MTMR3: variants seen among roughly 807,000 people sequenced by gnomAD.
MTMR3 encodes phosphatidylinositol-3,5-bisphosphate 3-phosphatase MTMR3.
MTMR3 carries 32 observed loss-of-function variants against 132.4 expected under a neutral mutation model. The ratio of observed to expected loss-of-function variants is 0.24; its 90% CI spans 0.18 to 0.32. The LOEUF is 0.32. Ranked by LOEUF, MTMR3 falls within the 10% of genes least tolerant of loss-of-function variation. MTMR3 has a pLI of 1.00. For synonymous variants in MTMR3, 556 were observed against 550.3 expected, an observed-to-expected ratio of 1.01 and a Z score of -0.14; for missense variants, 1,216 against 1,489.6, an observed-to-expected ratio of 0.82 and a Z score of 3.02.
chr22:29,894,369 C>T (rs2064853573), intron 1 of MTMR3, among the ~76,000 whole-genome samples: 2 of 152,014 alleles, frequency 1.3e-5, no homozygotes, highest in African/African-American at 4.8e-5. Context: ...ACAATTAAAC[C>T]CAAGAGGACT....
intron 7 of MTMR3, 121 bp downstream of exon 7, chr22:29,991,791 C>CA: frequency 9.3e-7 from 1 of 1,074,024 alleles, no homozygotes; most frequent in Non-Finnish European, 1.3e-6. Context: ...TTTTAAGGAG[C>CA]ACCCAGCAAG....
At chr22:29,982,740 C>T (rs2066773793) in intron 5 of MTMR3, 1 of 152,174 alleles carries the variant, frequency 6.6e-6, no homozygotes, top group African/African-American at 2.4e-5. Context: ...TTAATTCACA[C>T]ATTCACTGAA....
At chr22:29,900,534 G>GT (rs2064985018) in intron 1 of MTMR3, among the ~76,000 whole-genome samples, 2 of 152,008 alleles carry the variant, frequency 1.3e-5, no homozygotes, top group Non-Finnish European at 2.9e-5. Flanking sequence ...TAGTATTGAG[G>GT]CTTAGTTAAC....
chr22:29,914,522 A>C (rs2065273550), intron 1 of MTMR3, among the ~76,000 whole-genome samples: 1 of 152,130 alleles, frequency 6.6e-6, no homozygotes, highest in South Asian at 2.1e-4. Context: ...ATGTTTTGCA[A>C]ATATGTTCTT....
At chr22:29,923,235 T>A (rs1197664265) in intron 1 of MTMR3, among the ~76,000 whole-genome samples, 1 of 151,314 alleles carries the variant, frequency 6.6e-6, no homozygotes, top group Non-Finnish European at 1.5e-5. Context: ...TTTTTATTTT[T>A]ATTTTTTATT....
chr22:30,012,287 T>C, intron 12 of MTMR3, 81 bp from the exon 13 acceptor site: 2 of 1,465,166 alleles, frequency 1.4e-6, no homozygotes, highest in Non-Finnish European at 1.9e-6. Context: ...TGGAAATTGC[T>C]TTTTCATTTG....
rs1317222884 is a variant in MTMR3, at chr22:30,026,776, A to T, written c.*975A>T. On this transcript the variant is annotated 3_prime_UTR_variant, in exon 20 of 20. Transcript: ENST00000401950. ...CCAGAAATCCCCCGTTCCCAAACCA[A>T]ACCAATCATGGATCTTCCCTTTAAG... 2.6e-5 allele frequency: 4 copies of T among 152,866 alleles called. No individual in the cohort carries two copies. Among genetic ancestry groups the T allele is most frequent in the Non-Finnish European group, 5.9e-5 (4 of 68,116 alleles). The allele number at this position is 152,866 out of a possible 1,614,324, so 9.5% of individuals were successfully genotyped here.
chr22:30,025,910 A>G lies in MTMR3; in HGVS notation c.*109A>G, dbSNP rs2067902973. On this transcript the variant is annotated 3_prime_UTR_variant, in exon 20 of 20. Transcript: ENST00000401950. ...CACTTTGGAATGGGAGCGTGGAACC[A>G]CCTGTACAGAGTGACAGATTTGGGA... 8.7e-7 allele frequency: 1 copy of G among 1,149,880 alleles called. No individual in the cohort carries two copies. The highest frequency in any genetic ancestry group is 1.3e-6 in the Non-Finnish European group (1 of 787,814). The allele number at this position is 1,149,880 out of a possible 1,614,324, so 71.2% of individuals were successfully genotyped here.
chr22:30,011,779 G>C (rs1025467145), intron 12 of MTMR3: 1 of 152,474 alleles, frequency 6.6e-6, no homozygotes, highest in Non-Finnish European at 1.5e-5. Context: ...TAAATTATCA[G>C]ATTGGGCTCA....
chr22:29,914,020 G>GATT lies in MTMR3; in HGVS notation c.-138+30663_-138+30665dup, dbSNP rs568172091. Among the ~76,000 whole-genome samples, 678 of 152,228 alleles carry GATT rather than the reference G, an allele frequency of 4.5e-3. 6 individuals are homozygous for GATT. The highest frequency in any genetic ancestry group is 0.015 in the African/African-American group (640 of 41,536). The stretch of plus-strand genomic sequence containing the variant: ...CCACCTCAACCTCCCAAAGTGCTGG[G>GATT]ATTACAGGCATGAGCCACCACGCCC... On this transcript the variant is annotated intron_variant, in intron 1 of 19. Transcript: ENST00000401950.
At position 29,958,099 on chromosome 22, in the gene MTMR3, G is replaced by A. The variant is rs191924841; in HGVS notation, c.-85+1011G>A. Among the ~76,000 whole-genome samples, 157 of 135,588 alleles carry A rather than the reference G, an allele frequency of 1.2e-3. 2 individuals carry two copies. Among genetic ancestry groups the A allele is most frequent in the African/African-American group, 3.7e-3 (151 of 40,542 alleles). The allele number at this position is 135,588 out of a possible 152,430, so 89.0% of individuals were successfully genotyped here. A position where few individuals can be genotyped will look rare whatever the true frequency, so the allele number is the denominator to read the frequency against. On this transcript the variant is annotated intron_variant, in intron 2 of 19. Transcript: ENST00000401950. Reference sequence around the variant, plus strand: ...GGATAAGGCAGGGGATTACTGTAGTGCAAATATGAATTTTAATGAGAAAAA... The same window carrying A: ...GGATAAGGCAGGGGATTACTGTAGTACAAATATGAATTTTAATGAGAAAAA...
In MTMR3 at chr22:29,998,649, T is replaced by G. The variant is rs1022279331; in HGVS notation, c.461-112T>G. On this transcript the variant is annotated intron_variant, in intron 7 of 19. Coordinates refer to ENST00000401950, the MANE Select transcript of MTMR3 (RefSeq NM_021090.4). ...CAGAGTGGAATCCTGTCTCAAAAAA[T>G]ATATATATATTTACATATATGTAAC... 1.4e-5 allele frequency: 7 copies of G among 509,260 alleles called. No homozygotes were observed. The East Asian group carries it at 2.8e-4, about 20-fold the overall frequency. 31.5% of individuals were successfully genotyped at this position (509,260 alleles called of 1,614,324 possible).
In MTMR3 at chr22:30,028,530, A is replaced by C. The variant is rs1470846795; in HGVS notation, c.*2729A>C. 2 of 152,332 alleles carry C rather than the reference A, an allele frequency of 1.3e-5. No individual in the cohort carries two copies. The highest frequency in any genetic ancestry group is 3.8e-4 in the East Asian group (2 of 5,324). 9.4% of individuals were successfully genotyped at this position (152,332 alleles called of 1,614,324 possible). A position where few individuals can be genotyped will look rare whatever the true frequency, so the allele number is the denominator to read the frequency against. On this transcript the variant is annotated 3_prime_UTR_variant, in exon 20 of 20. Coordinates refer to ENST00000401950, the MANE Select transcript of MTMR3 (RefSeq NM_021090.4). ...TACAGCACTGTTGGGCATCCCTCCC[A>C]TCACATGGGTCTGTGGGTGAGATAT...
rs758932706 is a variant in MTMR3 at position 30,020,002 on chromosome 22, C to A, written c.2343C>A (p.Val781=). 18 of 1,613,818 alleles carry A rather than the reference C, an allele frequency of 1.1e-5. No individual in the cohort carries two copies. Among genetic ancestry groups the A allele is most frequent in the East Asian group, 4.5e-5 (2 of 44,888 alleles). Residue 781 remains valine (V), a synonymous_variant, in exon 17 of 20, where the codon GTC becomes GTA. Transcript: ENST00000401950. ...GTGTTCTCCTCAGTTCTCTCCAGGTCCCCCCCAGGGGAGAGGATTCCCTGG... is the reference window on the plus strand; with the variant it reads ...GTGTTCTCCTCAGTTCTCTCCAGGTACCCCCCAGGGGAGAGGATTCCCTGG... ...GLSVLLSSLQ[V]PPRGEDSLEV... is the part of the protein sequence containing the mutation.
chr22:29,888,226 G>A (rs1399134330), intron 1 of MTMR3, among the ~76,000 whole-genome samples: 1 of 151,972 alleles, frequency 6.6e-6, no homozygotes, highest in Non-Finnish European at 1.5e-5. Context: ...TTCATTTTTT[G>A]TAGAGACAGG....
intron 1 of MTMR3, among the ~76,000 whole-genome samples, chr22:29,929,088 T>TG: frequency 6.6e-6 from 1 of 152,032 alleles, no homozygotes. Flanking sequence ...AAGACCAGTC[T>TG]GGGCAACATG....
intron 1 of MTMR3, among the ~76,000 whole-genome samples, chr22:29,904,185 C>A (rs915681685): frequency 2.0e-5 from 3 of 152,194 alleles, no homozygotes; most frequent in Non-Finnish European, 4.4e-5. Context: ...GAGGTAGCAA[C>A]TGTGGGATTA....
rs1334175828 is a variant in MTMR3 at position 30,019,640 on chromosome 22, C to G, written c.1981C>G (p.Leu661Val). 1 of 1,614,218 alleles carries G rather than the reference C, an allele frequency of 6.2e-7. No homozygotes were observed. The highest frequency in any genetic ancestry group is 1.7e-5 in the Admixed American group (1 of 60,030). ...CCTGGCTGGCCCTGGAGAGGATCCC[C>G]TTTCTGCCGACAGCCTAGGGAAGCC... ...SSLAGPGEDPLSADSLGKPTR... is the reference protein window; with the variant it reads ...SSLAGPGEDPVSADSLGKPTR... The change falls in exon 17 of 20, where the codon CTT (leucine) becomes GTT (valine). Residue 661 changes from leucine (L) to valine (V), a missense_variant. Leu to Val is a conservative substitution (Grantham distance 32). Around this residue, in one of 7 missense-constraint regions of MTMR3, gnomAD observed 852 missense variants for 852.0 expected, o/e 1.00. Coordinates refer to ENST00000401950, the MANE Select transcript of MTMR3 (RefSeq NM_021090.4).
At position 30,012,526 on chromosome 22, in the gene MTMR3, C is replaced by T. The variant is rs1201101890; in HGVS notation, c.1280C>T (p.Ala427Val). The T allele has an allele frequency of 6.2e-7, 1 of 1,613,684 alleles. No homozygotes were observed. The highest frequency in any genetic ancestry group is 8.5e-7 in the Non-Finnish European group (1 of 1,179,944). The change falls in exon 13 of 20, where the codon GCT becomes GTT. Residue 427 changes from alanine (A) to valine (V), a missense_variant. By Grantham distance (64) the Ala-to-Val change is moderately conservative. This residue lies in a region of MTMR3 where 106 missense variants were observed against 209.5 expected (regional missense o/e 0.51). Transcript: ENST00000401950. ...WDRTPQIVALAKLLLDPYYRT... is the reference protein window; with the variant it reads ...WDRTPQIVALVKLLLDPYYRT... ...CGCACCCCCCAGATTGTGGCATTGG[C>T]TAAGCTCTTGCTGGACCCTTATTAC... is the stretch of plus-strand genomic sequence containing the variant.
Sources: gnomAD v4.1 joint callset for allele counts (sites outside exome capture counted in the v4.1 genomes callset) on GRCh38, gnomAD v4.1.1 for gene constraint, gnomAD v4.1.1 regional missense constraint, MANE v1.5 for transcripts, NCBI Gene and HGNC (gene_info 2026-07-23, HGNC 2026-07-21) for gene names.